CTNND2: variants seen among roughly 807,000 people sequenced by gnomAD.
CTNND2 encodes the protein catenin delta-2.
Under a neutral mutation model 144.4 loss-of-function variants are expected in CTNND2, and 22 were observed. That is an observed-to-expected ratio of 0.15 (90% confidence interval 0.11 to 0.22). The LOEUF is 0.22. Ranked by LOEUF, CTNND2 falls within the 10% of genes least tolerant of loss-of-function variation. The probability of loss-of-function intolerance (pLI) is 1.00; values close to 1 mark genes in which losing one functional copy is unlikely to be tolerated. For missense variants in CTNND2, 1,353 were observed against 1,618.8 expected (o/e 0.84, Z 2.82); for synonymous variants, 751 against 695.6 (o/e 1.08, Z -1.25).
chr5:11,837,347 C>G (rs1322676602), intron 1 of CTNND2, among the ~76,000 whole-genome samples: 1 of 152,172 alleles, frequency 6.6e-6, no homozygotes, highest in East Asian at 1.9e-4. Context: ...TGAAGTCTAT[C>G]TTGTTCAACA....
intron 1 of CTNND2, among the ~76,000 whole-genome samples, chr5:11,782,730 T>C (rs753044167): frequency 6.6e-6 from 1 of 152,246 alleles, no homozygotes; most frequent in Non-Finnish European, 1.5e-5. Flanking sequence ...ACGCTCAGTA[T>C]CTTTCAAACA....
At chr5:11,477,638 C>T (rs1767881909) in intron 3 of CTNND2, among the ~76,000 whole-genome samples, 1 of 152,108 alleles carries the variant, frequency 6.6e-6, no homozygotes, top group Non-Finnish European at 1.5e-5. Context: ...TGGTCTCAAA[C>T]TCCTGGGATG....
At chr5:11,333,186 T>C (rs1207030306) in intron 9 of CTNND2, among the ~76,000 whole-genome samples, 4 of 152,264 alleles carry the variant, frequency 2.6e-5, no homozygotes, top group Non-Finnish European at 5.9e-5. Flanking sequence ...AACTCCATCA[T>C]ATGTATACTG....
At chr5:11,578,731 G>A (rs1324629523) in intron 2 of CTNND2, among the ~76,000 whole-genome samples, 1 of 151,936 alleles carries the variant, frequency 6.6e-6, no homozygotes, top group Non-Finnish European at 1.5e-5. Context: ...AATCACACAG[G>A]TAAAGTGAAC....
intron 3 of CTNND2, among the ~76,000 whole-genome samples, chr5:11,452,186 A>G (rs1403054376): frequency 6.6e-6 from 1 of 152,268 alleles, no homozygotes; most frequent in Non-Finnish European, 1.5e-5. Flanking sequence ...CAGGCTACTG[A>G]ACATCAATAA....
rs1465065405 is a variant in CTNND2, at chr5:11,554,517, T to G, written c.287+10427A>C. Among the ~76,000 whole-genome samples, 27 of 28,426 alleles carry G rather than the reference T, an allele frequency of 9.5e-4. No homozygotes were observed. In the Admixed American group the frequency reaches 0.013, roughly 13 times the overall value. 18.6% of individuals were successfully genotyped at this position (28,426 alleles called of 152,430 possible). On this transcript the variant is annotated intron_variant, in intron 3 of 21. Transcript: ENST00000304623. ...TATAGAAAGTGATTTTTTTTCTCTA[T>G]ATCTCAATGTTCTATCTACAAAATA...
chr5:11,326,354 A>G (rs1752516605), intron 9 of CTNND2, among the ~76,000 whole-genome samples: 1 of 152,130 alleles, frequency 6.6e-6, no homozygotes, highest in African/African-American at 2.4e-5. Flanking sequence ...GGGGAGTCAG[A>G]GGCTGGCCTT....
At chr5:11,296,952 G>A (rs1007727580) in intron 9 of CTNND2, among the ~76,000 whole-genome samples, 24 of 152,166 alleles carry the variant, frequency 1.6e-4, no homozygotes, top group African/African-American at 4.6e-4. Flanking sequence ...CCTGCACGTT[G>A]TGCACATGTA....
intron 3 of CTNND2, among the ~76,000 whole-genome samples, chr5:11,526,060 C>T (rs893291611): frequency 6.6e-6 from 1 of 152,136 alleles, no homozygotes; most frequent in Non-Finnish European, 1.5e-5. Context: ...TGTGCCACCA[C>T]ACATGGCTAA....
chr5:11,182,175 CGT>C (rs1735134459), intron 11 of CTNND2, among the ~76,000 whole-genome samples: 1 of 74,940 alleles, frequency 1.3e-5, no homozygotes, highest in Non-Finnish European at 2.7e-5. Flanking sequence ...TGTGAGTGGG[CGT>C]GTGGTGTGTG....
chr5:11,672,380 G>GTA (rs1453104533), intron 2 of CTNND2, among the ~76,000 whole-genome samples: 1 of 152,230 alleles, frequency 6.6e-6, no homozygotes, highest in Non-Finnish European at 1.5e-5. Flanking sequence ...AGCTGTGCCT[G>GTA]TAGCCACCCC....
intron 10 of CTNND2, among the ~76,000 whole-genome samples, chr5:11,230,972 C>T (rs776673096): frequency 3.3e-5 from 5 of 152,098 alleles, no homozygotes; most frequent in Non-Finnish European, 5.9e-5. Context: ...TCTGTGTCCC[C>T]ACCCAAATCT....
chr5:11,456,495 C>T (rs1765750443), intron 3 of CTNND2, among the ~76,000 whole-genome samples: 2 of 152,082 alleles, frequency 1.3e-5, no homozygotes, highest in Non-Finnish European at 2.9e-5. Flanking sequence ...AACTACGTCA[C>T]GTGAGTTGAG....
At chr5:11,706,361 G>A (rs1281827771) in intron 2 of CTNND2, among the ~76,000 whole-genome samples, 3 of 152,134 alleles carry the variant, frequency 2.0e-5, no homozygotes, top group African/African-American at 7.2e-5. Context: ...TAAAATATGG[G>A]CCGAGCAAGG....
At chr5:11,149,205 C>A (rs1218362421) in intron 12 of CTNND2, among the ~76,000 whole-genome samples, 1 of 152,346 alleles carries the variant, frequency 6.6e-6, no homozygotes, top group Non-Finnish European at 1.5e-5. Flanking sequence ...TTTCCTCCAA[C>A]CACCTGACTC....
intron 5 of CTNND2, among the ~76,000 whole-genome samples, chr5:11,400,112 A>G (rs530520439): frequency 1.4e-4 from 22 of 152,290 alleles, no homozygotes; most frequent in African/African-American, 5.1e-4. Flanking sequence ...TGGGCTTTAA[A>G]TTATGTTTTT....
At chr5:11,502,390 C>G (rs1162287828) in intron 3 of CTNND2, among the ~76,000 whole-genome samples, 2 of 152,108 alleles carry the variant, frequency 1.3e-5, no homozygotes, top group Non-Finnish European at 2.9e-5. Context: ...CTATATAATC[C>G]TTACGATTTG....
At chr5:11,791,466 T>C (rs944353992) in intron 1 of CTNND2, among the ~76,000 whole-genome samples, 1 of 152,070 alleles carries the variant, frequency 6.6e-6, no homozygotes, top group Non-Finnish European at 1.5e-5. Context: ...TGGAAGGAAA[T>C]GGCCGAAAGG....
intron 20 of CTNND2, among the ~76,000 whole-genome samples, chr5:10,986,193 T>A (rs1222508271): frequency 6.6e-6 from 1 of 152,262 alleles, no homozygotes; most frequent in African/African-American, 2.4e-5. Context: ...CCCTGCCATT[T>A]TCTAAGAAGA....
Sources: gnomAD v4.1 joint callset for allele counts (sites outside exome capture counted in the v4.1 genomes callset) on GRCh38, gnomAD v4.1.1 for gene constraint, MANE v1.5 for transcripts, NCBI Gene and HGNC (gene_info 2026-07-23, HGNC 2026-07-21) for gene names.